Variants in IMMP2L observed in about 807,000 individuals in gnomAD.
The protein encoded by IMMP2L is mitochondrial inner membrane protease subunit 2.
Under a neutral mutation model 19.3 loss-of-function variants are expected in IMMP2L, and 18 were observed. The ratio of observed to expected loss-of-function variants is 0.93; its 90% CI spans 0.64 to 1.38. The LOEUF (loss-of-function observed/expected upper bound fraction) is 1.38, where lower values mean the gene tolerates loss of function less well. Among genes scored for constraint, IMMP2L ranks in the 40% most tolerant of loss-of-function variants. IMMP2L has a pLI of 0.00. For synonymous variants in IMMP2L, 76 were observed against 73.0 expected (o/e 1.04, Z -0.21); for missense variants, 233 against 218.2 (o/e 1.07, Z -0.43).
At chr7:111,028,883 G>C (rs2129568356) in intron 3 of IMMP2L, among the ~76,000 whole-genome samples, 1 of 152,270 alleles carries the variant, frequency 6.6e-6, no homozygotes, top group Non-Finnish European at 1.5e-5. Flanking sequence ...TGAAAACTAA[G>C]CTGCAAAATA....
At chr7:110,671,441 T>C (rs1791913562) in intron 5 of IMMP2L, among the ~76,000 whole-genome samples, 1 of 152,224 alleles carries the variant, frequency 6.6e-6, no homozygotes, top group Non-Finnish European at 1.5e-5. Flanking sequence ...TTTAGCAATC[T>C]CTGTTTTAGG....
intron 5 of IMMP2L, among the ~76,000 whole-genome samples, chr7:110,692,336 C>T (rs1793569225): frequency 6.6e-6 from 1 of 151,944 alleles, no homozygotes; most frequent in South Asian, 2.1e-4. Flanking sequence ...ATGCTGGAGA[C>T]TCAGGAGGGG....
chr7:111,105,621 T>C (rs764972449), intron 3 of IMMP2L, among the ~76,000 whole-genome samples: 2 of 151,906 alleles, frequency 1.3e-5, no homozygotes, highest in Non-Finnish European at 2.9e-5. Context: ...AAATACAACA[T>C]GTATTTTTGT....
At chr7:110,955,104 G>A (rs896569612) in intron 4 of IMMP2L, among the ~76,000 whole-genome samples, 15 of 151,826 alleles carry the variant, frequency 9.9e-5, no homozygotes, top group Non-Finnish European at 2.2e-4. Context: ...TTAAATATAT[G>A]TAAAGAGACT....
intron 3 of IMMP2L, among the ~76,000 whole-genome samples, chr7:110,986,211 TA>T (rs144467797): frequency 0.011 from 1,572 of 148,882 alleles, 28 homozygotes; most frequent in African/African-American, 0.036. Flanking sequence ...ATGCTGAGCT[TA>T]AAAAAAAAAC....
chr7:111,267,273 G>C (rs757406144), intron 3 of IMMP2L, among the ~76,000 whole-genome samples: 15 of 151,896 alleles, frequency 9.9e-5, no homozygotes, highest in Non-Finnish European at 2.1e-4. Context: ...AAAAAACATA[G>C]TGATTTAGGG....
chr7:111,480,899 C>A (rs548915096), intron 3 of IMMP2L, among the ~76,000 whole-genome samples: 4 of 152,128 alleles, frequency 2.6e-5, no homozygotes, highest in African/African-American at 9.7e-5. Flanking sequence ...TTAGCAGGTT[C>A]CAATTAATTT....
At position 111,522,918 on chromosome 7, in the gene IMMP2L, G is replaced by A. The variant is rs368242917; in HGVS notation, c.-2-1469C>T. 8.1e-3 allele frequency among the ~76,000 whole-genome samples: 923 copies of A among 113,778 alleles called. 36 individuals carry two copies. Among genetic ancestry groups the A allele is most frequent in the African/African-American group, 0.036 (809 of 22,594 alleles). The allele number at this position is 113,778 out of a possible 152,430, so 74.6% of individuals were successfully genotyped here. A position where few individuals can be genotyped will look rare whatever the true frequency, so the allele number is the denominator to read the frequency against. ...TCAATGGATGAATGAACTTTAAGAT[G>A]TGAGATACATATATATATATTATTT... On this transcript the variant is annotated intron_variant, in intron 1 of 5. Coordinates refer to ENST00000405709, the MANE Select transcript of IMMP2L (RefSeq NM_032549.4).
At chr7:111,137,095 A>G (rs575687456) in intron 3 of IMMP2L, among the ~76,000 whole-genome samples, 6 of 152,278 alleles carry the variant, frequency 3.9e-5, no homozygotes, top group African/African-American at 1.4e-4. Context: ...CTAACGATAT[A>G]TAGTCTTCGT....
chr7:111,383,146 A>G (rs567089947), intron 3 of IMMP2L, among the ~76,000 whole-genome samples: 1 of 152,242 alleles, frequency 6.6e-6, no homozygotes, highest in African/African-American at 2.4e-5. Context: ...ATCTATGCAC[A>G]TGGAAGTAGA....
chr7:111,016,335 A>C (rs1825531769), intron 3 of IMMP2L, among the ~76,000 whole-genome samples: 1 of 144,568 alleles, frequency 6.9e-6, no homozygotes, highest in Admixed American at 7.2e-5. Flanking sequence ...CAGTAATTAT[A>C]TATATAATAA....
At chr7:111,051,094 C>T (rs148800137) in intron 3 of IMMP2L, among the ~76,000 whole-genome samples, 9 of 152,248 alleles carry the variant, frequency 5.9e-5, no homozygotes, top group East Asian at 3.9e-4. Flanking sequence ...GCTATGAGTG[C>T]GCCACTGCAC....
chr7:111,277,108 A>G (rs929535803), intron 3 of IMMP2L, among the ~76,000 whole-genome samples: 2 of 152,154 alleles, frequency 1.3e-5, no homozygotes, highest in African/African-American at 4.8e-5. Flanking sequence ...CTAAAAATAG[A>G]CAAATAGGAT....
chr7:111,452,997 T>G (rs1382402740), intron 3 of IMMP2L, among the ~76,000 whole-genome samples: 2 of 152,304 alleles, frequency 1.3e-5, no homozygotes, highest in East Asian at 3.9e-4. Context: ...GTAGGAGCTC[T>G]ACTGAATAAA....
chr7:111,025,932 A>T (rs1474576336), intron 3 of IMMP2L, among the ~76,000 whole-genome samples: 2 of 152,122 alleles, frequency 1.3e-5, no homozygotes, highest in Non-Finnish European at 2.9e-5. Context: ...CATGATTTAT[A>T]ATAGGCATAT....
intron 3 of IMMP2L, among the ~76,000 whole-genome samples, chr7:111,222,073 T>C (rs991249373): frequency 1.3e-5 from 2 of 151,888 alleles, no homozygotes; most frequent in African/African-American, 4.8e-5. Context: ...CCCCCACCGA[T>C]GTATAATGCC....
intron 3 of IMMP2L, among the ~76,000 whole-genome samples, chr7:111,341,281 T>C (rs1351479100): frequency 1.3e-5 from 2 of 152,090 alleles, no homozygotes; most frequent in African/African-American, 4.8e-5. Context: ...TAAATCAATT[T>C]TATTCATTTA....
intron 4 of IMMP2L, among the ~76,000 whole-genome samples, chr7:110,956,854 C>T (rs1415530481): frequency 1.3e-5 from 2 of 151,888 alleles, no homozygotes; most frequent in African/African-American, 2.4e-5. Flanking sequence ...AATGTTGATG[C>T]CTTAACAATT....
At chr7:110,869,772 A>G (rs1808360671) in intron 5 of IMMP2L, among the ~76,000 whole-genome samples, 1 of 152,144 alleles carries the variant, frequency 6.6e-6, no homozygotes, top group South Asian at 2.1e-4. Context: ...TTAGTCAGGG[A>G]CAACAAAGTT....
Sources: allele counts gnomAD v4.1 joint callset (sites outside exome capture counted in the v4.1 genomes callset), GRCh38; gene constraint gnomAD v4.1.1; transcripts MANE v1.5; gene names NCBI Gene and HGNC (gene_info 2026-07-23, HGNC 2026-07-21).